The following TACC3 variants were observed in gnomAD, a reference collection of about 807,000 sequenced individuals.
TACC3 encodes the protein transforming acidic coiled-coil containing protein 3.
Under a neutral mutation model 86.0 loss-of-function variants are expected in TACC3, and 52 were observed. The ratio of observed to expected loss-of-function variants is 0.60; its 90% CI spans 0.48 to 0.76. The LOEUF is 0.76. TACC3 is among the 30% of genes least tolerant of loss of function. TACC3 has a pLI of 0.00. For missense variants in TACC3, 1,120 were observed against 1,070.4 expected (o/e 1.05, Z -0.65); for synonymous variants, 512 against 430.0 (o/e 1.19, Z -2.36).
chr4:1,739,908 G>A (rs1302361816), intron 11 of TACC3, 51 bp from the exon 12 acceptor site: 1 of 1,611,230 alleles, frequency 6.2e-7, no homozygotes, highest in East Asian at 2.2e-5. Context: ...ACCTGGCCTG[G>A]GACCGCTGGG....
At position 1,723,442 on chromosome 4, in the gene TACC3, C is replaced by T. The variant is rs760825890; in HGVS notation, c.21C>T (p.Asn7=). 10 of 1,613,216 alleles carry T rather than the reference C, an allele frequency of 6.2e-6. No individual in the cohort carries two copies. Among genetic ancestry groups the T allele is most frequent in the South Asian group, 4.4e-5 (4 of 91,080 alleles). ...CCAGAATGAGTCTGCAGGTCTTAAA[C>T]GACAAAAATGTCAGCAATGAAAAAA... MSLQVL[N]DKNVSNEKNT... Residue 7 remains asparagine, a synonymous_variant, in exon 2 of 16, where the codon AAC becomes AAT. Transcript: ENST00000313288.
At chr4:1,738,876 G>A (rs1718419590) in intron 10 of TACC3, among the ~76,000 whole-genome samples, 1 of 152,132 alleles carries the variant, frequency 6.6e-6, no homozygotes, top group African/African-American at 2.4e-5. Flanking sequence ...TTAGGTCAGA[G>A]CAGGTGACCG....
At chr4:1,733,533 C>T (rs1300727462) in intron 6 of TACC3, among the ~76,000 whole-genome samples, 1 of 151,750 alleles carries the variant, frequency 6.6e-6, no homozygotes, top group Non-Finnish European at 1.5e-5. Flanking sequence ...GTGGCGTACA[C>T]CTATAGTCCC....
chr4:1,727,130 C>CAAAA (rs3216202), intron 3 of TACC3, among the ~76,000 whole-genome samples: 1 of 136,908 alleles, frequency 7.3e-6, no homozygotes. Context: ...AAATCCGTCT[C>CAAAA]AAAAAAAAAA....
rs1372290424 is a variant in TACC3 at position 1,727,839 on chromosome 4, C to G, written c.437C>G (p.Pro146Arg). 1 of 1,613,218 alleles carries G rather than the reference C, an allele frequency of 6.2e-7. No homozygotes were observed. The highest frequency in any genetic ancestry group is 1.7e-5 in the Admixed American group (1 of 60,024). The change falls in exon 4 of 16, where the codon CCA becomes CGA. Residue 146 changes from proline to arginine, a missense_variant. Coordinates refer to ENST00000313288, the MANE Select transcript of TACC3 (RefSeq NM_006342.3). The part of the protein sequence containing the change: ...FGSGSSSESG[P>R]GALADLDCSS... ...AGTGGCAGCTCCAGCGAGTCTGGCC[C>G]AGGTGCCCTGGCTGACCTGGACTGC...
chr4:1,722,598 C>T (rs1442982268), intron 1 of TACC3, among the ~76,000 whole-genome samples: 1 of 152,198 alleles, frequency 6.6e-6, no homozygotes, highest in Non-Finnish European at 1.5e-5. Flanking sequence ...CAACTTTGCT[C>T]TTCTTCAAAT....
chr4:1,723,242 TG>T, intron 1 of TACC3, 178 bp from the exon 2 acceptor site: 1 of 644,670 alleles, frequency 1.6e-6, no homozygotes, highest in Non-Finnish European at 2.7e-6. Flanking sequence ...TGAAGCAAGA[TG>T]GGGACTCAGT....
intron 10 of TACC3, 118 bp from the exon 11 acceptor site, chr4:1,739,584 T>C: frequency 1.1e-6 from 1 of 937,362 alleles, no homozygotes; most frequent in Non-Finnish European, 1.6e-6. Context: ...CACATGGAAC[T>C]GTGCCTCTGG....
At position 1,728,456 on chromosome 4, in the gene TACC3, C is replaced by T. The variant is rs1287418584; in HGVS notation, c.1054C>T (p.Pro352Ser). 5.0e-6 allele frequency: 8 copies of T among 1,613,716 alleles called. No homozygotes were observed. Among genetic ancestry groups the T allele is most frequent in the South Asian group, 3.3e-5 (3 of 91,088 alleles). ...VSDGATSKRA[P>S]PPRRLGERSG... Reference sequence around the variant, plus strand: ...TGATGGCGCCACCAGCAAAAGGGCACCCCCACCAAGGAGACTGGGAGAGAG... The same window carrying T: ...TGATGGCGCCACCAGCAAAAGGGCATCCCCACCAAGGAGACTGGGAGAGAG... Residue 352 changes from proline (P) to serine (S), a missense_variant, in exon 4 of 16, where the codon CCC (proline) becomes TCC (serine). Coordinates refer to ENST00000313288, the MANE Select transcript of TACC3 (RefSeq NM_006342.3).
rs1007562952 is a variant in TACC3 at position 1,740,642 on chromosome 4, T to C, written c.2063-184T>C. On this transcript the variant is annotated intron_variant, in intron 12 of 15. Coordinates refer to ENST00000313288, the MANE Select transcript of TACC3 (RefSeq NM_006342.3). ...ATCTGATGTGGAGGAAACAGCTGTTTCCTGGGCTTTGCATCCGGCCTAGAA... is the reference window on the plus strand; with the variant it reads ...ATCTGATGTGGAGGAAACAGCTGTTCCCTGGGCTTTGCATCCGGCCTAGAA... The C allele has an allele frequency of 1.7e-5, 10 of 584,976 alleles. 1 individual carries two copies. The highest frequency in any genetic ancestry group is 2.4e-5 in the Non-Finnish European group (8 of 329,234). The allele number at this position is 584,976 out of a possible 1,614,324, so 36.2% of individuals were successfully genotyped here.
intron 8 of TACC3, among the ~76,000 whole-genome samples, chr4:1,736,808 G>C (rs1718290079): frequency 1.3e-5 from 2 of 152,172 alleles, no homozygotes; most frequent in African/African-American, 4.8e-5. Context: ...TACTTGGGTT[G>C]CTGAAGCAGG....
chr4:1,738,576 A>C (rs1453028379), intron 10 of TACC3, among the ~76,000 whole-genome samples: 2 of 152,240 alleles, frequency 1.3e-5, no homozygotes, highest in East Asian at 3.8e-4. Context: ...ACAAAGAAAT[A>C]GTGCTCGAAC....
chr4:1,723,355 C>G (rs188247418), intron 1 of TACC3, 66 bp from the exon 2 acceptor site: 37 of 1,542,116 alleles, frequency 2.4e-5, no homozygotes, highest in Non-Finnish European at 3.2e-5. Flanking sequence ...GCAGCTGTCA[C>G]GTCTGTGTCT....
intron 6 of TACC3, among the ~76,000 whole-genome samples, chr4:1,732,644 C>T (rs943419509): frequency 6.6e-6 from 1 of 152,174 alleles, no homozygotes; most frequent in Non-Finnish European, 1.5e-5. Flanking sequence ...AGTTGTGGGC[C>T]GCCACCATGT....
At chr4:1,724,180 A>C (rs570800427) in intron 3 of TACC3, among the ~76,000 whole-genome samples, 49 of 151,580 alleles carry the variant, frequency 3.2e-4, no homozygotes, top group African/African-American at 1.1e-3. Flanking sequence ...CGTGTTAGCC[A>C]GGATGGTCTT....
In TACC3 at chr4:1,735,163, A is replaced by G; in HGVS notation, c.1592-110A>G. On this transcript the variant is annotated intron_variant, in intron 6 of 15. Coordinates refer to ENST00000313288, the MANE Select transcript of TACC3 (RefSeq NM_006342.3). This position sits in a 1 kb window ranked among gnomAD's most constrained non-coding sequence, Gnocchi z 4.2. ...CATCCACACCTCCAAGGGAGGAAAT[A>G]CTGCTGGCTGGAATGATCCTGCCTC... is the stretch of plus-strand genomic sequence containing the variant. 6.9e-7 allele frequency: 1 copy of G among 1,446,860 alleles called. No homozygotes were observed. Among genetic ancestry groups the G allele is most frequent in the Non-Finnish European group, 9.6e-7 (1 of 1,043,478 alleles). The allele number at this position is 1,446,860 out of a possible 1,614,324, so 89.6% of individuals were successfully genotyped here.
At chr4:1,741,342 C>T (rs1445270964) in intron 13 of TACC3, 1 of 170,754 alleles carries the variant, frequency 5.9e-6, no homozygotes, top group Admixed American at 6.3e-5. Context: ...GCGCTTGGGT[C>T]CCAAGGGTTG....
At chr4:1,729,687 G>A (rs959421405) in intron 4 of TACC3, among the ~76,000 whole-genome samples, 6 of 152,238 alleles carry the variant, frequency 3.9e-5, no homozygotes, top group South Asian at 2.1e-4. Context: ...GACCAGGAGC[G>A]TGACTGCTGA....
chr4:1,727,730 G>A lies in TACC3; in HGVS notation c.328G>A (p.Asp110Asn), dbSNP rs778302713. ...AAGCCAACAGCTCATCAAGGAAGTG[G>A]ATGCCAAAACTACTCATGGAATTCT... ...KENQQLIKEVDAKTTHGILQK... is the reference protein window; with the variant it reads ...KENQQLIKEVNAKTTHGILQK... The change falls in exon 4 of 16, where the codon GAT becomes AAT. Residue 110 changes from aspartate to asparagine, a missense_variant. Physicochemically the swap from Asp to Asn is conservative, Grantham distance 23. Coordinates refer to ENST00000313288, the MANE Select transcript of TACC3 (RefSeq NM_006342.3). 6 of 1,590,688 alleles carry A rather than the reference G, an allele frequency of 3.8e-6. No homozygotes were observed. The highest frequency in any genetic ancestry group is 2.2e-5 in the East Asian group (1 of 44,582).
Sources: gnomAD v4.1 joint callset for allele counts (sites outside exome capture counted in the v4.1 genomes callset) on GRCh38, gnomAD v4.1.1 for gene constraint, Gnocchi (gnomAD v3.1) non-coding constraint, MANE v1.5 for transcripts, NCBI Gene and HGNC (gene_info 2026-07-23, HGNC 2026-07-21) for gene names.